Variants in SH3BGRL2 observed in about 807,000 individuals in gnomAD.
SH3BGRL2 encodes the protein SH3 domain binding glutamate rich protein like 2, also known as SH3 domain-binding glutamic acid-rich-like protein 2.
A neutral mutation model predicts 14.8 loss-of-function variants in SH3BGRL2; 21 were observed. The observed-to-expected ratio is 1.42, with a 90% CI of 1.01 to 2.05. The LOEUF (loss-of-function observed/expected upper bound fraction) is 2.05, where lower values mean the gene tolerates loss of function less well. Ranked by LOEUF, SH3BGRL2 falls within the 30% of genes most tolerant of loss-of-function variation. The pLI is 0.00. For synonymous variants in SH3BGRL2, 50 were observed against 47.8 expected, an observed-to-expected ratio of 1.05 and a Z score of -0.19; for missense variants, 147 against 130.8, an observed-to-expected ratio of 1.12 and a Z score of -0.61.
chr6:79,566,662 G>A, the SH3BGRL2 span, among the ~76,000 whole-genome samples: 1,561 of 151,922 alleles, frequency 0.01, 27 homozygotes, highest in African/African-American at 0.036. Context: ...GAACAGGGCC[G>A]GGTACATAAA....
At chr6:79,638,015 C>T (rs1582712741) in intron 1 of SH3BGRL2, among the ~76,000 whole-genome samples, 2 of 152,150 alleles carry the variant, frequency 1.3e-5, no homozygotes, top group Middle Eastern at 3.4e-3. Flanking sequence ...CATAATTATA[C>T]ATATTTATGG....
chr6:79,661,636 G>A (rs1210688973), intron 1 of SH3BGRL2, among the ~76,000 whole-genome samples: 1 of 152,176 alleles, frequency 6.6e-6, no homozygotes, highest in South Asian at 2.1e-4. Flanking sequence ...TTCTGTAGAT[G>A]TCTATTAGGT....
chr6:79,629,855 C>T (rs1582708520), upstream of SH3BGRL2, among the ~76,000 whole-genome samples: 1 of 152,208 alleles, frequency 6.6e-6, no homozygotes. Context: ...GTACCTTTCA[C>T]AGAGTAGGCT....
At chr6:79,588,197 G>A in the SH3BGRL2 span, among the ~76,000 whole-genome samples, 2 of 151,442 alleles carry the variant, frequency 1.3e-5, no homozygotes, top group Non-Finnish European at 2.9e-5. Context: ...GGAGGCTGAG[G>A]CAGGAGAATC....
intron 1 of SH3BGRL2, among the ~76,000 whole-genome samples, chr6:79,665,409 G>GCAACTATA (rs758050793): frequency 6.6e-6 from 1 of 151,986 alleles, no homozygotes; most frequent in Non-Finnish European, 1.5e-5. Context: ...TGTTATTATG[G>GCAACTATA]CAACTATATA....
At chr6:79,668,125 T>C (rs2812710) in intron 1 of SH3BGRL2, among the ~76,000 whole-genome samples, 105,315 of 152,070 alleles carry the variant, frequency 0.69, 36,945 homozygotes, top group East Asian at 0.95. Flanking sequence ...TAGACGTGTC[T>C]GGAAGCCTAT....
chr6:79,600,748 G>A, the SH3BGRL2 span, among the ~76,000 whole-genome samples: 1 of 152,168 alleles, frequency 6.6e-6, no homozygotes, highest in Admixed American at 6.5e-5. Context: ...TATAGACACT[G>A]TCTATCTTCC....
At chr6:79,563,729 G>A in the SH3BGRL2 span, among the ~76,000 whole-genome samples, 1 of 152,100 alleles carries the variant, frequency 6.6e-6, no homozygotes, top group Admixed American at 6.6e-5. Context: ...GCATGAGTGA[G>A]TCTAGGTGAG....
At chr6:79,671,876 C>T (rs1448908411) in intron 1 of SH3BGRL2, among the ~76,000 whole-genome samples, 1 of 152,224 alleles carries the variant, frequency 6.6e-6, no homozygotes, top group South Asian at 2.1e-4. Context: ...CATCTTCCTT[C>T]CTGATGCTAG....
chr6:79,598,963 T>TG, the SH3BGRL2 span, among the ~76,000 whole-genome samples: 1 of 151,412 alleles, frequency 6.6e-6, no homozygotes, highest in Admixed American at 6.6e-5. Context: ...TGCCTGTAAT[T>TG]GCAGCTACTA....
the SH3BGRL2 span, chr6:79,552,808 A>G: frequency 6.6e-6 from 1 of 152,358 alleles, no homozygotes; most frequent in Admixed American, 6.5e-5. Flanking sequence ...GAAAGTTCTC[A>G]GATGTCAAAA....
intron 1 of SH3BGRL2, among the ~76,000 whole-genome samples, chr6:79,633,631 T>C (rs548251734): frequency 6.6e-6 from 1 of 152,322 alleles, no homozygotes; most frequent in South Asian, 2.1e-4. Flanking sequence ...TCTATTTTAA[T>C]ATTCTGCTGT....
intron 1 of SH3BGRL2, among the ~76,000 whole-genome samples, chr6:79,650,508 A>C (rs757991832): frequency 9.2e-5 from 14 of 152,214 alleles, no homozygotes; most frequent in Non-Finnish European, 1.8e-4. Context: ...TACAAGAAAC[A>C]TGGCACCAGC....
upstream of SH3BGRL2, among the ~76,000 whole-genome samples, chr6:79,629,899 TC>T (rs1768791436): frequency 6.6e-6 from 1 of 152,228 alleles, no homozygotes; most frequent in South Asian, 2.1e-4. Flanking sequence ...AACTATATCT[TC>T]ATAGCTGAAT....
intron 2 of SH3BGRL2, among the ~76,000 whole-genome samples, chr6:79,691,897 T>A (rs1369464693): frequency 1.3e-5 from 2 of 151,730 alleles, no homozygotes; most frequent in African/African-American, 4.8e-5. Flanking sequence ...GGTCAAATGG[T>A]ATTTCTAGTT....
intron 1 of SH3BGRL2, among the ~76,000 whole-genome samples, chr6:79,633,010 A>T (rs1768855151): frequency 6.6e-6 from 1 of 152,228 alleles, no homozygotes; most frequent in South Asian, 2.1e-4. Context: ...CTTTGGAGCA[A>T]GTCGGACCAA....
At chr6:79,575,198 A>G in the SH3BGRL2 span, 39 of 152,310 alleles carry the variant, frequency 2.6e-4, no homozygotes, top group African/African-American at 8.9e-4. Context: ...TTAAAAAACT[A>G]TAGTCACCTT....
the SH3BGRL2 span, among the ~76,000 whole-genome samples, chr6:79,563,954 G>A: frequency 1.3e-5 from 2 of 152,114 alleles, no homozygotes; most frequent in Non-Finnish European, 2.9e-5. Context: ...TGCTGAAGCT[G>A]GAAAAGCTGT....
chr6:79,620,298 G>A, the SH3BGRL2 span, among the ~76,000 whole-genome samples: 3 of 151,702 alleles, frequency 2.0e-5, no homozygotes, highest in Non-Finnish European at 4.4e-5. Context: ...AAATTAATTT[G>A]GTTAAATTTA....
Sources: gnomAD v4.1 joint callset for allele counts (sites outside exome capture counted in the v4.1 genomes callset) on GRCh38, gnomAD v4.1.1 for gene constraint, MANE v1.5 for transcripts, NCBI Gene and HGNC (gene_info 2026-07-23, HGNC 2026-07-21) for gene names.